Variants in SDK1 observed in about 807,000 individuals in gnomAD.
SDK1 encodes sidekick cell adhesion molecule 1.
Under a neutral mutation model 245.5 loss-of-function variants are expected in SDK1, and 157 were observed. The observed-to-expected ratio is 0.64, with a 90% CI of 0.56 to 0.73. SDK1 has a LOEUF of 0.73. Among genes scored for constraint, SDK1 ranks in the 30% least tolerant of loss-of-function variants. The pLI, the probability that SDK1 is intolerant of heterozygous loss-of-function variation, is 0.00. For synonymous variants in SDK1, 1,647 were observed against 1,278.5 expected, an observed-to-expected ratio of 1.29 and a Z score of -6.15; for missense variants, 3,583 against 3,002.3, an observed-to-expected ratio of 1.19 and a Z score of -4.52.
At chr7:3,724,460 C>G (rs896900800) in intron 4 of SDK1, among the ~76,000 whole-genome samples, 5 of 152,032 alleles carry the variant, frequency 3.3e-5, no homozygotes, top group Admixed American at 6.6e-5. Context: ...GTACCATCAC[C>G]TTATTATGTC....
chr7:3,857,268 G>C, intron 5 of SDK1, among the ~76,000 whole-genome samples: 1 of 151,910 alleles, frequency 6.6e-6, no homozygotes, highest in Admixed American at 6.6e-5. Context: ...CAGTGCAGCA[G>C]GACAAAATGG....
chr7:3,900,467 C>G (rs1239280042), intron 5 of SDK1, among the ~76,000 whole-genome samples: 1 of 152,182 alleles, frequency 6.6e-6, no homozygotes, highest in African/African-American at 2.4e-5. Context: ...TTTAGCCTTT[C>G]CAGTGTGTTT....
chr7:4,245,901 T>TCATAA lies in SDK1; in HGVS notation c.6381+100_6381+104dup, dbSNP rs1786823172. 1.1e-5 allele frequency: 16 copies of TCATAA among 1,444,792 alleles called. No individual in the cohort carries two copies. The Admixed American group carries it at 2.7e-4, about 25-fold the overall frequency. The allele number at this position is 1,444,792 out of a possible 1,614,324, so 89.5% of individuals were successfully genotyped here. ...CAGGCTGTCTTGTCCTATTTGAGTC[T>TCATAA]CATAACATCCCCACAGGCAGAGCCA... On this transcript the variant is annotated intron_variant, in intron 44 of 44. Coordinates refer to ENST00000404826, the MANE Select transcript of SDK1 (RefSeq NM_152744.4).
rs113467418 is a variant in SDK1 at position 3,494,622 on chromosome 7, C to T, written c.299-124458C>T. Among the ~76,000 whole-genome samples, 9 of 152,322 alleles carry T rather than the reference C, an allele frequency of 5.9e-5. 1 individual carries two copies. Among genetic ancestry groups the T allele is most frequent in the African/African-American group, 1.9e-4 (8 of 41,556 alleles). ...CTTAGCATTTATTGTTCCTGTCTAA[C>T]TGCAACTACCAACCCTTCCTCATCT... On this transcript the variant is annotated intron_variant, in intron 1 of 44. Transcript: ENST00000404826.
intron 1 of SDK1, among the ~76,000 whole-genome samples, chr7:3,548,388 G>C (rs952858097): frequency 2.0e-5 from 3 of 152,152 alleles, no homozygotes; most frequent in Admixed American, 2.0e-4. Context: ...TCTTAAACCT[G>C]GGTCTGTCTT....
intron 8 of SDK1, among the ~76,000 whole-genome samples, chr7:3,960,568 G>A (rs1424886184): frequency 1.3e-5 from 2 of 152,176 alleles, no homozygotes; most frequent in African/African-American, 2.4e-5. Context: ...GGAAAGATCA[G>A]CCTCTGCCCA....
intron 31 of SDK1, among the ~76,000 whole-genome samples, chr7:4,160,522 T>C (rs961689980): frequency 1.3e-5 from 2 of 152,230 alleles, no homozygotes; most frequent in African/African-American, 4.8e-5. Context: ...ATTTGTGTTG[T>C]ATTGTCTTAC....
intron 4 of SDK1, among the ~76,000 whole-genome samples, chr7:3,702,785 A>C (rs1003090774): frequency 8.5e-5 from 13 of 152,278 alleles, no homozygotes; most frequent in African/African-American, 3.1e-4. Flanking sequence ...ATTTTTACTC[A>C]TGGTACTCCT....
chr7:4,047,616 T>C lies in SDK1; in HGVS notation c.2603-1732T>C, dbSNP rs150924754. Among the ~76,000 whole-genome samples, 3 of 152,356 alleles carry C rather than the reference T, an allele frequency of 2.0e-5. No homozygotes were observed. In the East Asian group the frequency reaches 5.8e-4, roughly 29 times the overall value. ...CTGCGCTCCCAAAGCTTCTGTCCTCTCTTGTAGCTCACATTCAGCCTTCGG... is the reference window on the plus strand; with the variant it reads ...CTGCGCTCCCAAAGCTTCTGTCCTCCCTTGTAGCTCACATTCAGCCTTCGG... On this transcript the variant is annotated intron_variant, in intron 17 of 44. Coordinates refer to ENST00000404826, the MANE Select transcript of SDK1 (RefSeq NM_152744.4).
At chr7:3,587,954 T>C (rs1439667400) in intron 1 of SDK1, among the ~76,000 whole-genome samples, 1 of 152,258 alleles carries the variant, frequency 6.6e-6, no homozygotes, top group Admixed American at 6.5e-5. Flanking sequence ...ATTGATCCAA[T>C]AGACTTATGT....
intron 5 of SDK1, among the ~76,000 whole-genome samples, chr7:3,828,834 T>C (rs750162653): frequency 9.8e-4 from 149 of 151,968 alleles, no homozygotes; most frequent in Non-Finnish European, 1.9e-3. Flanking sequence ...TAATTTCTTT[T>C]TTTTTGTAGA....
chr7:3,339,275 A>T (rs1780282903), intron 1 of SDK1, among the ~76,000 whole-genome samples: 1 of 152,212 alleles, frequency 6.6e-6, no homozygotes. Context: ...ACCTCAAGAT[A>T]CATGAAGCAA....
chr7:4,179,424 G>C (rs565081014), intron 35 of SDK1, among the ~76,000 whole-genome samples: 1 of 152,084 alleles, frequency 6.6e-6, no homozygotes, highest in African/African-American at 2.4e-5. Flanking sequence ...CTCGGACTGC[G>C]GGGGCCAGAG....
chr7:3,498,768 A>C (rs1782103411), intron 1 of SDK1, among the ~76,000 whole-genome samples: 1 of 148,796 alleles, frequency 6.7e-6, no homozygotes, highest in African/African-American at 2.5e-5. Flanking sequence ...CTCCATATAC[A>C]TTCTCATCCA....
chr7:3,739,308 T>C (rs1779410443), intron 4 of SDK1, among the ~76,000 whole-genome samples: 1 of 152,220 alleles, frequency 6.6e-6, no homozygotes, highest in African/African-American at 2.4e-5. Context: ...TTTGAGCTGC[T>C]TACATATACA....
intron 1 of SDK1, among the ~76,000 whole-genome samples, chr7:3,531,088 A>G (rs752262207): frequency 3.3e-5 from 5 of 152,210 alleles, no homozygotes; most frequent in Admixed American, 1.3e-4. Flanking sequence ...TTAAGAGTCT[A>G]ACAAGATTTG....
At chr7:3,606,070 G>A (rs984825605) in intron 1 of SDK1, among the ~76,000 whole-genome samples, 8 of 152,084 alleles carry the variant, frequency 5.3e-5, no homozygotes, top group African/African-American at 1.9e-4. Flanking sequence ...CTGTGTGGAT[G>A]TCTAGTGGGT....
At chr7:3,978,684 G>A (rs776484173) in intron 13 of SDK1, among the ~76,000 whole-genome samples, 1 of 152,106 alleles carries the variant, frequency 6.6e-6, no homozygotes, top group African/African-American at 2.4e-5. Context: ...AGGGCATTCT[G>A]TCCTTCTTGG....
intron 1 of SDK1, among the ~76,000 whole-genome samples, chr7:3,374,475 A>G (rs1049964637): frequency 1.3e-5 from 2 of 152,192 alleles, no homozygotes; most frequent in Non-Finnish European, 2.9e-5. Flanking sequence ...CAGACCTGGC[A>G]GCAGTGCATT....
Sources: gnomAD v4.1 joint callset for allele counts (sites outside exome capture counted in the v4.1 genomes callset) on GRCh38, gnomAD v4.1.1 for gene constraint, MANE v1.5 for transcripts, NCBI Gene and HGNC (gene_info 2026-07-23, HGNC 2026-07-21) for gene names.